The following LHX4 variants were observed in gnomAD, a reference collection of about 807,000 sequenced individuals.
The protein encoded by LHX4 is LIM/homeobox protein Lhx4.
A neutral mutation model predicts 39.2 loss-of-function variants in LHX4; 16 were observed. The observed-to-expected ratio is 0.41, with a 90% CI of 0.28 to 0.62. The LOEUF (loss-of-function observed/expected upper bound fraction) is 0.62. LHX4 is among the 20% of genes least tolerant of loss of function. The pLI, the probability that LHX4 is intolerant of heterozygous loss-of-function variation, is 0.33. For missense variants in LHX4, 439 were observed against 511.9 expected, an observed-to-expected ratio of 0.86 and a Z score of 1.37; for synonymous variants, 206 against 198.1, an observed-to-expected ratio of 1.04 and a Z score of -0.33.
At chr1:180,242,758 G>A (rs1436862745) in intron 1 of LHX4, among the ~76,000 whole-genome samples, 1 of 152,162 alleles carries the variant, frequency 6.6e-6, no homozygotes, top group Non-Finnish European at 1.5e-5. Context: ...AGCCCCAGCA[G>A]AGAGCATCGT....
rs1171473316 is a variant in LHX4, at chr1:180,230,835, T to C, written c.76+230T>C. Among the ~76,000 whole-genome samples, 5 of 152,216 alleles carry C rather than the reference T, an allele frequency of 3.3e-5. No individual in the cohort carries two copies. The highest frequency in any genetic ancestry group is 1.2e-4 in the African/African-American group (5 of 41,538). ...TGGATCATGCTTGAGGCGAGCCGAG[T>C]ACCGAACCCCGCATCTCCAGCCCAA... On this transcript the variant is annotated intron_variant, in intron 1 of 5. Coordinates refer to ENST00000263726, the MANE Select transcript of LHX4 (RefSeq NM_033343.4). This position sits in a 1 kb window ranked among gnomAD's most constrained non-coding sequence, Gnocchi z 5.8.
chr1:180,273,919 A>G (rs1019086656), intron 5 of LHX4: 26 of 517,496 alleles, frequency 5.0e-5, no homozygotes, highest in Non-Finnish European at 7.7e-5. Context: ...ACGAGCCACA[A>G]GGGACCAACG....
upstream of LHX4, among the ~76,000 whole-genome samples, chr1:180,230,091 G>A (rs1276198705): frequency 6.6e-6 from 1 of 151,828 alleles, no homozygotes; most frequent in Non-Finnish European, 1.5e-5. This position sits in a 1 kb window ranked among gnomAD's most constrained non-coding sequence, Gnocchi z 5.8. Context: ...CCGCCGCCGG[G>A]TTGGGGGATG....
intron 1 of LHX4, among the ~76,000 whole-genome samples, chr1:180,247,620 C>A (rs2149256210): frequency 6.6e-6 from 1 of 152,318 alleles, no homozygotes; most frequent in East Asian, 1.9e-4. Flanking sequence ...GCCGCTAGGG[C>A]ATCTGGAAAA....
intron 1 of LHX4, among the ~76,000 whole-genome samples, chr1:180,244,166 G>A (rs1216321442): frequency 6.6e-6 from 1 of 152,198 alleles, no homozygotes; most frequent in Admixed American, 6.5e-5. Context: ...ATGCCTGCGT[G>A]TATTACTGTG....
At chr1:180,252,600 C>T (rs1281476758) in intron 2 of LHX4, among the ~76,000 whole-genome samples, 1 of 152,174 alleles carries the variant, frequency 6.6e-6, no homozygotes, top group Non-Finnish European at 1.5e-5. Context: ...TCTCTTTGCC[C>T]ATAACAAGGA....
At chr1:180,235,977 G>A (rs1213012531) in intron 1 of LHX4, among the ~76,000 whole-genome samples, 4 of 152,200 alleles carry the variant, frequency 2.6e-5, no homozygotes, top group African/African-American at 9.7e-5. Context: ...GAAAAGCCGT[G>A]AAGGGATAAA....
intron 2 of LHX4, among the ~76,000 whole-genome samples, chr1:180,259,069 T>C (rs1419153808): frequency 6.6e-6 from 1 of 151,942 alleles, no homozygotes; most frequent in Non-Finnish European, 1.5e-5. Context: ...CCCAGGGGTC[T>C]GGGCTGGAGG....
intron 2 of LHX4, among the ~76,000 whole-genome samples, chr1:180,260,612 C>T (rs1471330983): frequency 6.6e-5 from 10 of 151,868 alleles, no homozygotes. Context: ...TCTTCTCTGC[C>T]CACACCTGGG....
In LHX4 at chr1:180,274,781, C is replaced by A; in HGVS notation, c.*202C>A. 1.7e-6 allele frequency: 1 copy of A among 605,484 alleles called. No homozygotes were observed. The highest frequency in any genetic ancestry group is 2.8e-6 in the Non-Finnish European group (1 of 352,608). The allele number at this position is 605,484 out of a possible 1,614,324, so 37.5% of individuals were successfully genotyped here. A position where few individuals can be genotyped will look rare whatever the true frequency, so the allele number is the denominator to read the frequency against. ...TGGGGAAGCAGTGGGAGAGCAGACTCATCTCAGAACACAGCACAGGGGGTA... is the reference window on the plus strand; with the variant it reads ...TGGGGAAGCAGTGGGAGAGCAGACTAATCTCAGAACACAGCACAGGGGGTA... On this transcript the variant is annotated 3_prime_UTR_variant, in exon 6 of 6. Coordinates refer to ENST00000263726, the MANE Select transcript of LHX4 (RefSeq NM_033343.4).
chr1:180,257,969 T>C (rs1647937483), intron 2 of LHX4, among the ~76,000 whole-genome samples: 1 of 152,220 alleles, frequency 6.6e-6, no homozygotes, highest in Non-Finnish European at 1.5e-5. Context: ...CATGTCCAAA[T>C]GAAGAACAGG....
intron 2 of LHX4, among the ~76,000 whole-genome samples, chr1:180,255,716 C>T (rs373175406): frequency 2.2e-4 from 33 of 152,326 alleles, no homozygotes; most frequent in African/African-American, 5.8e-4. Context: ...GGTGATGAGT[C>T]GGAGGAGGAT....
intron 3 of LHX4, chr1:180,271,164 T>A: frequency 1.6e-6 from 1 of 625,852 alleles, no homozygotes; most frequent in Admixed American, 2.3e-5. Context: ...GAGAAAGGAC[T>A]GCTGTCCTCA....
At chr1:180,261,904 A>G (rs1214072485) in intron 2 of LHX4, among the ~76,000 whole-genome samples, 2 of 152,218 alleles carry the variant, frequency 1.3e-5, no homozygotes, top group Non-Finnish European at 2.9e-5. Context: ...GAAGAAAACA[A>G]TCCCAGGAAT....
rs1483940953 is a variant in LHX4, at chr1:180,234,230, A to G, written c.76+3625A>G. 7.9e-6 allele frequency among the ~76,000 whole-genome samples: 1 copy of G among 127,310 alleles called. No individual in the cohort carries two copies. The highest frequency in any genetic ancestry group is 1.6e-5 in the Non-Finnish European group (1 of 60,946). The allele number at this position is 127,310 out of a possible 152,430, so 83.5% of individuals were successfully genotyped here. A position where few individuals can be genotyped will look rare whatever the true frequency, so the allele number is the denominator to read the frequency against. On this transcript the variant is annotated intron_variant, in intron 1 of 5. Coordinates refer to ENST00000263726, the MANE Select transcript of LHX4 (RefSeq NM_033343.4). This position sits in a 1 kb window ranked among gnomAD's most constrained non-coding sequence, Gnocchi z 4.8. Reference sequence around the variant, plus strand: ...ATATATATATATATATAATAGATTGAGATTCTATCATATTCCGAACATTCC... The same window carrying G: ...ATATATATATATATATAATAGATTGGGATTCTATCATATTCCGAACATTCC...
At chr1:180,269,118 G>A (rs1301110442) in intron 3 of LHX4, among the ~76,000 whole-genome samples, 2 of 130,362 alleles carry the variant, frequency 1.5e-5, no homozygotes, top group African/African-American at 6.1e-5. Flanking sequence ...TAATTTTCCT[G>A]TAGGAATTAA....
At chr1:180,264,929 C>T (rs1270758676) in intron 2 of LHX4, among the ~76,000 whole-genome samples, 1 of 152,168 alleles carries the variant, frequency 6.6e-6, no homozygotes, top group Admixed American at 6.5e-5. Flanking sequence ...CAGGATTACC[C>T]ATGCAGACTT....
intron 1 of LHX4, among the ~76,000 whole-genome samples, chr1:180,244,047 G>C (rs1350178066): frequency 6.6e-6 from 1 of 152,136 alleles, no homozygotes; most frequent in Non-Finnish European, 1.5e-5. Context: ...TCTCGCGAAG[G>C]CTCAGTTTCC....
chr1:180,233,785 G>T (rs1245089255), intron 1 of LHX4, among the ~76,000 whole-genome samples: 1 of 152,128 alleles, frequency 6.6e-6, no homozygotes, highest in Non-Finnish European at 1.5e-5. Flanking sequence ...CTCCGCTGGG[G>T]GTGGTAATTG....
Sources: gnomAD v4.1 joint callset for allele counts (sites outside exome capture counted in the v4.1 genomes callset) on GRCh38, gnomAD v4.1.1 for gene constraint, Gnocchi (gnomAD v3.1) non-coding constraint, MANE v1.5 for transcripts, NCBI Gene and HGNC (gene_info 2026-07-23, HGNC 2026-07-21) for gene names.